IMPG2: variants seen among roughly 807,000 people sequenced by gnomAD.
IMPG2 encodes IPM 200.
IMPG2 carries 91 observed loss-of-function variants against 129.2 expected under a neutral mutation model. The ratio of observed to expected loss-of-function variants is 0.70; its 90% CI spans 0.59 to 0.84. The LOEUF is 0.84. Ranked by LOEUF, IMPG2 falls within the 40% of genes least tolerant of loss-of-function variation. The pLI is 0.00. For synonymous variants in IMPG2, 510 were observed against 517.7 expected (o/e 0.99, Z 0.20); for missense variants, 1,430 against 1,461.7 (o/e 0.98, Z 0.35).
Position 101,285,134 on chromosome 3 carries a change from T to C in IMPG2, c.533+6345A>G, listed in dbSNP as rs764094053. ...AAATGTAAAAAATCTTGTTAAAATG[T>C]AAAGCTCTATATGTCTATAAATGCA... On this transcript the variant is annotated intron_variant, in intron 4 of 18. Transcript: ENST00000193391. 5.6e-4 allele frequency among the ~76,000 whole-genome samples: 86 copies of C among 152,346 alleles called. 1 individual carries two copies. The highest frequency in any genetic ancestry group is 9.4e-4 in the Non-Finnish European group (64 of 68,026).
chr3:101,233,848 T>C lies in IMPG2; in HGVS notation c.3023-857A>G, dbSNP rs78092642. On this transcript the variant is annotated intron_variant, in intron 14 of 18. Coordinates refer to ENST00000193391, the MANE Select transcript of IMPG2 (RefSeq NM_016247.4). ...ATAGACTCATCTGTATTAAAAAGTATAAAGTTTAGCTAGAAGGCTATAGGG... is the reference window on the plus strand; with the variant it reads ...ATAGACTCATCTGTATTAAAAAGTACAAAGTTTAGCTAGAAGGCTATAGGG... Among the ~76,000 whole-genome samples the C allele has an allele frequency of 5.9e-3, 895 of 152,142 alleles. 10 individuals carry two copies. Among genetic ancestry groups the C allele is most frequent in the African/African-American group, 0.021 (866 of 41,508 alleles).
intron 2 of IMPG2, among the ~76,000 whole-genome samples, chr3:101,313,918 A>T (rs1277730932): frequency 6.6e-6 from 1 of 152,138 alleles, no homozygotes; most frequent in African/African-American, 2.4e-5. Flanking sequence ...ATATACAAAA[A>T]TCAGTTGTAT....
chr3:101,245,868 C>T lies in IMPG2; in HGVS notation c.1477G>A (p.Val493Met), dbSNP rs142452328. 16 of 1,614,080 alleles carry T rather than the reference C, an allele frequency of 9.9e-6. No homozygotes were observed. The African/African-American group carries it at 2.0e-4, about 20-fold the overall frequency. ...GCCACAGGCAAGCCAGTCTGAAGCA[C>T]TGCCGGGGTGACAGAATGAAGAGTC... ...SLTLHSVTPA[V>M]LQTGLPVASE... is the part of the protein sequence containing the mutation. Residue 493 changes from valine to methionine, a missense_variant, in exon 12 of 19, where the codon GTG (valine) becomes ATG (methionine). By Grantham distance (21) the Val-to-Met change is conservative (BLOSUM62 1). Coordinates refer to ENST00000193391, the MANE Select transcript of IMPG2 (RefSeq NM_016247.4).
chr3:101,263,453 G>A (rs1488972342), intron 9 of IMPG2, among the ~76,000 whole-genome samples: 1 of 151,846 alleles, frequency 6.6e-6, no homozygotes, highest in Non-Finnish European at 1.5e-5. Flanking sequence ...GCTCCTAAAT[G>A]ATCAATGGGT....
intron 2 of IMPG2, among the ~76,000 whole-genome samples, chr3:101,308,906 T>C (rs1038716724): frequency 6.6e-6 from 1 of 152,206 alleles, no homozygotes; most frequent in African/African-American, 2.4e-5. Context: ...AAGTCACCTC[T>C]TGAATGCTTT....
rs1466180507 is a variant in IMPG2 at position 101,225,909 on chromosome 3, A to G, written c.*1060T>C. 2.6e-5 allele frequency: 4 copies of G among 153,508 alleles called. No individual in the cohort carries two copies. Among genetic ancestry groups the G allele is most frequent in the African/African-American group, 9.6e-5 (4 of 41,470 alleles). 9.5% of individuals were successfully genotyped at this position (153,508 alleles called of 1,614,324 possible). A position where few individuals can be genotyped will look rare whatever the true frequency, so the allele number is the denominator to read the frequency against. On this transcript the variant is annotated 3_prime_UTR_variant, in exon 19 of 19. Coordinates refer to ENST00000193391, the MANE Select transcript of IMPG2 (RefSeq NM_016247.4). ...GTTTTTAAAATATTTTAATTGTAATAAAAGCTTTGCCCTGTTTTGTATAAG... is the reference window on the plus strand; with the variant it reads ...GTTTTTAAAATATTTTAATTGTAATGAAAGCTTTGCCCTGTTTTGTATAAG...
rs542447202 is a variant in IMPG2, at chr3:101,291,685, C to T, written c.502-175G>A. On this transcript the variant is annotated intron_variant, in intron 3 of 18. Coordinates refer to ENST00000193391, the MANE Select transcript of IMPG2 (RefSeq NM_016247.4). ...TAATGATACCAAGTTTGTTTTGTGACTATAGCAACACCCTGACATTCAGTC... is the reference window on the plus strand; with the variant it reads ...TAATGATACCAAGTTTGTTTTGTGATTATAGCAACACCCTGACATTCAGTC... Among the ~76,000 whole-genome samples, 16 of 152,288 alleles carry T rather than the reference C, an allele frequency of 1.1e-4. No homozygotes were observed. The East Asian group carries it at 2.7e-3, about 26-fold the overall frequency.
intron 3 of IMPG2, among the ~76,000 whole-genome samples, chr3:101,294,676 C>A (rs1333238857): frequency 2.6e-5 from 4 of 152,164 alleles, no homozygotes; most frequent in African/African-American, 9.7e-5. Context: ...ACACTGTGTT[C>A]CACAATACTT....
chr3:101,317,055 G>A (rs527714470), intron 2 of IMPG2, among the ~76,000 whole-genome samples: 20 of 152,040 alleles, frequency 1.3e-4, no homozygotes, highest in African/African-American at 4.6e-4. Context: ...GCAAATTCAT[G>A]GTTGCCTCAG....
intron 4 of IMPG2, among the ~76,000 whole-genome samples, chr3:101,283,021 AC>A (rs2107119558): frequency 6.6e-6 from 1 of 152,068 alleles, no homozygotes; most frequent in East Asian, 1.9e-4. Context: ...TTATTAGTTT[AC>A]TTTTTGTTTG....
chr3:101,280,617 T>G (rs1343303458), intron 4 of IMPG2, among the ~76,000 whole-genome samples: 1 of 152,106 alleles, frequency 6.6e-6, no homozygotes, highest in African/African-American at 2.4e-5. Context: ...CAGTGACATA[T>G]ATCATCCCAA....
chr3:101,259,774 G>A (rs1706650398), intron 9 of IMPG2, among the ~76,000 whole-genome samples: 1 of 152,056 alleles, frequency 6.6e-6, no homozygotes, highest in Non-Finnish European at 1.5e-5. Flanking sequence ...TAGATCCCTA[G>A]ATTGGAGATG....
chr3:101,285,021 C>T (rs541995997), intron 4 of IMPG2, among the ~76,000 whole-genome samples: 6 of 152,192 alleles, frequency 3.9e-5, no homozygotes, highest in South Asian at 2.1e-4. Context: ...TGTCACTTAA[C>T]GACTGGAATT....
chr3:101,243,499 T>C (rs368016757), intron 13 of IMPG2, 30 bp downstream of exon 13: 211 of 1,600,496 alleles, frequency 1.3e-4, no homozygotes, highest in Non-Finnish European at 1.8e-4. Flanking sequence ...GATTATTCAC[T>C]AGTGCCCATG....
intron 7 of IMPG2, among the ~76,000 whole-genome samples, chr3:101,271,418 C>T (rs947963302): frequency 6.6e-6 from 1 of 152,128 alleles, no homozygotes; most frequent in African/African-American, 2.4e-5. Flanking sequence ...TGAAGTCATT[C>T]GACTTCAACA....
intron 3 of IMPG2, among the ~76,000 whole-genome samples, chr3:101,294,231 C>A (rs540544778): frequency 6.6e-6 from 1 of 151,954 alleles, no homozygotes; most frequent in Non-Finnish European, 1.5e-5. Flanking sequence ...TCCTAATGCT[C>A]TCCCTCCCCT....
chr3:101,291,209 T>G (rs1204241103), intron 4 of IMPG2, among the ~76,000 whole-genome samples: 1 of 152,226 alleles, frequency 6.6e-6, no homozygotes, highest in Non-Finnish European at 1.5e-5. Context: ...TCACTCCATA[T>G]AAACCATAAA....
rs1335681118 is a variant in IMPG2 at position 101,315,693 on chromosome 3, T to G, written c.334+3891A>C. Among the ~76,000 whole-genome samples the G allele has an allele frequency of 2.6e-5, 4 of 152,118 alleles. No individual in the cohort carries two copies. The East Asian group carries it at 7.7e-4, about 29-fold the overall frequency. On this transcript the variant is annotated intron_variant, in intron 2 of 18. Coordinates refer to ENST00000193391, the MANE Select transcript of IMPG2 (RefSeq NM_016247.4). ...CATTTTGGATAAGAAATAGTCAATC[T>G]GTATTAAGATGGCAATTCTCCCCAA...
intron 7 of IMPG2, among the ~76,000 whole-genome samples, chr3:101,270,660 C>T (rs898984300): frequency 6.6e-6 from 1 of 151,910 alleles, no homozygotes; most frequent in Non-Finnish European, 1.5e-5. Context: ...ATCAGCCAGG[C>T]GTGGTGGTGG....
Sources: allele counts gnomAD v4.1 joint callset (sites outside exome capture counted in the v4.1 genomes callset), GRCh38; gene constraint gnomAD v4.1.1; transcripts MANE v1.5; gene names NCBI Gene and HGNC (gene_info 2026-07-23, HGNC 2026-07-21).